Variants in CBX5 observed in about 807,000 individuals in gnomAD.
CBX5 encodes chromobox protein homolog 5.
In CBX5, 7 loss-of-function variants were observed where a neutral mutation model predicts 20.7. That is an observed-to-expected ratio of 0.34 (90% CI 0.19 to 0.63). The LOEUF is 0.63. CBX5 is among the 30% of genes least tolerant of loss of function. The pLI is 0.75. For missense variants in CBX5, 110 were observed against 224.1 expected, an observed-to-expected ratio of 0.49 and a Z score of 3.25; for synonymous variants, 78 against 77.0, an observed-to-expected ratio of 1.01 and a Z score of -0.07.
At chr12:54,270,116 T>A (rs1943996054) in intron 1 of CBX5, among the ~76,000 whole-genome samples, 1 of 152,192 alleles carries the variant, frequency 6.6e-6, no homozygotes, top group Admixed American at 6.5e-5. Context: ...TTGTTCTATA[T>A]CCCATTAATT....
rs1944124739 is a variant in CBX5, at chr12:54,280,121, A to C, written c.-156T>G. On this transcript the variant is annotated 5_prime_UTR_variant, in exon 1 of 5. Coordinates refer to ENST00000209875, the MANE Select transcript of CBX5 (RefSeq NM_012117.3). ...TGCGCAACGCCAACCGCCCGCCAAA[A>C]CGGATCCTTCCCTGCGCCTGCGCAA... 1 of 157,862 alleles carries C rather than the reference A, an allele frequency of 6.3e-6. No individual in the cohort carries two copies. The highest frequency in any genetic ancestry group is 1.7e-4 in the South Asian group (1 of 5,990). 9.8% of individuals were successfully genotyped at this position (157,862 alleles called of 1,614,324 possible). A position where few individuals can be genotyped will look rare whatever the true frequency, so the allele number is the denominator to read the frequency against.
intron 1 of CBX5, chr12:54,274,211 A>C (rs1214391197): frequency 1.3e-5 from 2 of 152,238 alleles, no homozygotes; most frequent in African/African-American, 2.4e-5. Context: ...CTGTCATCAG[A>C]AATGAATATG....
intron 2 of CBX5, among the ~76,000 whole-genome samples, chr12:54,254,777 C>T (rs986502519): frequency 5.3e-5 from 8 of 151,568 alleles, no homozygotes; most frequent in African/African-American, 1.7e-4. Flanking sequence ...CGTTTGAACC[C>T]GGGAGAAGGA....
chr12:54,269,623 G>A (rs1219324994), intron 1 of CBX5, among the ~76,000 whole-genome samples: 1 of 152,064 alleles, frequency 6.6e-6, no homozygotes, highest in Admixed American at 6.5e-5. Flanking sequence ...TCCTGACCTC[G>A]TGATCCACCC....
At chr12:54,245,435 C>G (rs550189600) in intron 4 of CBX5, among the ~76,000 whole-genome samples, 7 of 152,270 alleles carry the variant, frequency 4.6e-5, no homozygotes. Context: ...AGTTAAGGAT[C>G]TCTGACATTC....
chr12:54,238,962 G>C lies in CBX5; in HGVS notation c.*2793C>G, dbSNP rs916877145. The stretch of plus-strand genomic sequence containing the variant: ...GAGGGGAGAAAGCTCCATGAAACAG[G>C]TTTCTGTTTGAGGCTGTAATTCTTC... On this transcript the variant is annotated 3_prime_UTR_variant, in exon 5 of 5. Coordinates refer to ENST00000209875, the MANE Select transcript of CBX5 (RefSeq NM_012117.3). 1.3e-5 allele frequency: 2 copies of C among 152,172 alleles called. No homozygotes were observed. The highest frequency in any genetic ancestry group is 4.8e-5 in the African/African-American group (2 of 41,434). The allele number at this position is 152,172 out of a possible 1,614,324, so 9.4% of individuals were successfully genotyped here.
At chr12:54,270,540 TGA>T (rs1943999517) in intron 1 of CBX5, among the ~76,000 whole-genome samples, 3 of 152,218 alleles carry the variant, frequency 2.0e-5, no homozygotes, top group Admixed American at 2.0e-4. Flanking sequence ...CTCAAAGCGT[TGA>T]GTTTACAGGA....
At chr12:54,255,001 T>C (rs1364842259) in intron 2 of CBX5, among the ~76,000 whole-genome samples, 2 of 152,138 alleles carry the variant, frequency 1.3e-5, no homozygotes, top group Non-Finnish European at 2.9e-5. Flanking sequence ...CGAATACACT[T>C]GGGGGTTGGG....
chr12:54,244,365 A>T (rs756065547), intron 4 of CBX5, among the ~76,000 whole-genome samples: 8 of 151,828 alleles, frequency 5.3e-5, no homozygotes, highest in Non-Finnish European at 1.0e-4. Context: ...TGCAACACAA[A>T]CCCTCTATGT....
chr12:54,271,820 G>A (rs1202575549), intron 1 of CBX5: 1 of 152,156 alleles, frequency 6.6e-6, no homozygotes, highest in Non-Finnish European at 1.5e-5. Flanking sequence ...GAAACAGAAG[G>A]AAAAATGTTT....
chr12:54,261,015 G>A (rs1393274774), intron 1 of CBX5, among the ~76,000 whole-genome samples: 1 of 151,768 alleles, frequency 6.6e-6, no homozygotes, highest in Non-Finnish European at 1.5e-5. Flanking sequence ...ACATGGTGAC[G>A]CCCCATCTCT....
rs113996356 is a variant in CBX5, at chr12:54,279,758, G to T, written c.-43+250C>A. Among the ~76,000 whole-genome samples the T allele has an allele frequency of 4.5e-3, 680 of 152,280 alleles. 6 individuals carry two copies. Among genetic ancestry groups the T allele is most frequent in the African/African-American group, 0.016 (651 of 41,546 alleles). On this transcript the variant is annotated intron_variant, in intron 1 of 4. Coordinates refer to ENST00000209875, the MANE Select transcript of CBX5 (RefSeq NM_012117.3). Reference sequence around the variant, plus strand: ...CCCACATTCCGATGGCCCAAGGGCCGATCAGTCGGCAGCTCAAGGCAGACC... The same window carrying T: ...CCCACATTCCGATGGCCCAAGGGCCTATCAGTCGGCAGCTCAAGGCAGACC...
intron 1 of CBX5, among the ~76,000 whole-genome samples, chr12:54,268,013 G>A (rs1271933611): frequency 6.6e-6 from 1 of 152,072 alleles, no homozygotes; most frequent in Non-Finnish European, 1.5e-5. Flanking sequence ...GCGTGGTGGT[G>A]GGCGCCTGTA....
intron 3 of CBX5, 37 bp from the exon 4 acceptor site, chr12:54,246,252 G>C: frequency 6.7e-7 from 1 of 1,483,710 alleles, no homozygotes. Flanking sequence ...ACAGCTTGTG[G>C]AAAGAGTAAA....
At chr12:54,257,772 G>A in intron 1 of CBX5, 80 bp from the exon 2 acceptor site, 2 of 1,006,142 alleles carry the variant, frequency 2.0e-6, no homozygotes, top group East Asian at 2.4e-5. Flanking sequence ...GATGAAAAGG[G>A]GATAACACTG....
rs889268177 is a variant in CBX5, at chr12:54,240,168, G to A, written c.*1587C>T. On this transcript the variant is annotated 3_prime_UTR_variant, in exon 5 of 5. Coordinates refer to ENST00000209875, the MANE Select transcript of CBX5 (RefSeq NM_012117.3). ...CCCTGCTATTTCCTTACTTTTAATTGTGATTCTCTAGCCCTCCTCAACTAC... is the reference window on the plus strand; with the variant it reads ...CCCTGCTATTTCCTTACTTTTAATTATGATTCTCTAGCCCTCCTCAACTAC... 1 of 152,140 alleles carries A rather than the reference G, an allele frequency of 6.6e-6. No individual in the cohort carries two copies. The highest frequency in any genetic ancestry group is 1.5e-5 in the Non-Finnish European group (1 of 68,028). The allele number at this position is 152,140 out of a possible 1,614,324, so 9.4% of individuals were successfully genotyped here.
In CBX5 at chr12:54,238,381, T is replaced by C. The variant is rs1289230562; in HGVS notation, c.*3374A>G. On this transcript the variant is annotated 3_prime_UTR_variant, in exon 5 of 5. Coordinates refer to ENST00000209875, the MANE Select transcript of CBX5 (RefSeq NM_012117.3). ...ACAAGTAGAAGAGTCTCCTGAAAAA[T>C]ATCCGTATTTGAAAAGGCAGCAGGA... The C allele has an allele frequency of 6.6e-6, 1 of 151,834 alleles. No homozygotes were observed. Among genetic ancestry groups the C allele is most frequent in the Non-Finnish European group, 1.5e-5 (1 of 67,976 alleles). The allele number at this position is 151,834 out of a possible 1,614,324, so 9.4% of individuals were successfully genotyped here.
At chr12:54,261,417 C>A (rs1282493199) in intron 1 of CBX5, among the ~76,000 whole-genome samples, 1 of 151,916 alleles carries the variant, frequency 6.6e-6, no homozygotes, top group Non-Finnish European at 1.5e-5. Context: ...CTGCCTCAGC[C>A]TCCCAAGTAG....
rs1416938853 is a variant in CBX5 at position 54,235,613 on chromosome 12, C to CA, written c.*6141dup. On this transcript the variant is annotated 3_prime_UTR_variant, in exon 5 of 5. Transcript: ENST00000209875. ...TGGGAGACAGAGCAAGACTCCGTCT[C>CA]AAAAAAAAAGAAATCACCCTCTCTC... 8.0e-4 allele frequency: 120 copies of CA among 150,214 alleles called. 1 individual carries two copies. The highest frequency in any genetic ancestry group is 2.7e-3 in the Admixed American group (40 of 15,084). The allele number at this position is 150,214 out of a possible 1,614,324, so 9.3% of individuals were successfully genotyped here.
Sources: allele counts gnomAD v4.1 joint callset (sites outside exome capture counted in the v4.1 genomes callset), GRCh38; gene constraint gnomAD v4.1.1; transcripts MANE v1.5; gene names NCBI Gene and HGNC (gene_info 2026-07-23, HGNC 2026-07-21).